Variants in ICE2 observed in about 807,000 individuals in gnomAD.
The protein encoded by ICE2 is interactor of little elongation complex ELL subunit 2, also known as little elongation complex subunit 2.
ICE2 carries 87 observed loss-of-function variants against 105.4 expected under a neutral mutation model. The observed-to-expected ratio is 0.83, with a 90% confidence interval of 0.69 to 0.99. The LOEUF is 0.99. Ranked by LOEUF, ICE2 falls within the 50% of genes least tolerant of loss-of-function variation. ICE2 has a pLI of 0.00. For synonymous variants in ICE2, 399 were observed against 392.0 expected, an observed-to-expected ratio of 1.02 and a Z score of -0.21; for missense variants, 1,323 against 1,146.7, an observed-to-expected ratio of 1.15 and a Z score of -2.22.
chr15:60,446,122 C>T (rs1444600741), intron 11 of ICE2, among the ~76,000 whole-genome samples: 1 of 152,178 alleles, frequency 6.6e-6, no homozygotes, highest in Non-Finnish European at 1.5e-5. Context: ...TAAAACCAAA[C>T]AGTTTTCAAT....
intron 5 of ICE2, 89 bp downstream of exon 5, chr15:60,466,505 G>A (rs768672729): frequency 1.4e-6 from 2 of 1,464,234 alleles, no homozygotes; most frequent in Non-Finnish European, 1.9e-6. Context: ...TGACAGTTCC[G>A]AATGCTTTTG....
chr15:60,470,995 C>T (rs2064578273), intron 3 of ICE2, among the ~76,000 whole-genome samples: 1 of 152,022 alleles, frequency 6.6e-6, no homozygotes, highest in Admixed American at 6.6e-5. Flanking sequence ...ACATTCCATC[C>T]AAAACTACTA....
chr15:60,477,832 TTC>T (rs2064808825), intron 2 of ICE2, 103 bp downstream of exon 2: 8 of 1,026,716 alleles, frequency 7.8e-6, no homozygotes, highest in Admixed American at 1.7e-5. Flanking sequence ...AACTTGTATT[TTC>T]TGTTTCCTCC....
In ICE2 at chr15:60,448,942, T is replaced by C; in HGVS notation, c.2025A>G (p.Lys675=). ...ACAATTGCTCAGAAACAGAAGGCTGTTTAGAATTTTCTAAATTCATTAAGG... is the reference window on the plus strand; with the variant it reads ...ACAATTGCTCAGAAACAGAAGGCTGCTTAGAATTTTCTAAATTCATTAAGG... The part of the protein sequence containing the change: ...ELPLMNLENS[K]QPSVSEQLSG... The change falls in exon 10 of 16, where the codon AAA becomes AAG. Residue 675 remains lysine (K), a synonymous_variant. Transcript: ENST00000261520. 1 of 1,614,030 alleles carries C rather than the reference T, an allele frequency of 6.2e-7. No individual in the cohort carries two copies. Among genetic ancestry groups the C allele is most frequent in the African/African-American group, 1.3e-5 (1 of 75,052 alleles).
At chr15:60,433,174 G>A (rs959060840) in intron 13 of ICE2, among the ~76,000 whole-genome samples, 9 of 150,954 alleles carry the variant, frequency 6.0e-5, no homozygotes, top group Non-Finnish European at 8.8e-5. Context: ...TGCAAGCTCT[G>A]CCTCCCGGGT....
At chr15:60,451,155 C>G (rs1166093249) in intron 9 of ICE2, 1 of 759,314 alleles carries the variant, frequency 1.3e-6, no homozygotes, top group Admixed American at 6.3e-5. Context: ...GACAGAGACA[C>G]AATTATACTA....
Position 60,466,672 on chromosome 15 carries a change from T to C in ICE2, c.450A>G (p.Leu150=). 1 of 1,610,466 alleles carries C rather than the reference T, an allele frequency of 6.2e-7. No individual in the cohort carries two copies. The highest frequency in any genetic ancestry group is 1.3e-5 in the African/African-American group (1 of 75,020). ...TCTTTGCAGAATTCTGCAAAAACTT[T>C]AGGAACTCAGTAACTTCTTCGTTCA... is the stretch of plus-strand genomic sequence containing the variant. ...KHVNEEVTEF[L]KFLQNSAKKC... Residue 150 remains leucine (L), a synonymous_variant, in exon 5 of 16, where the codon CTA becomes CTG. Transcript: ENST00000261520.
chr15:60,423,492 A>G lies in ICE2; in HGVS notation c.*142T>C. On this transcript the variant is annotated 3_prime_UTR_variant, in exon 16 of 16. Transcript: ENST00000261520. ...CATTTTAGTTGAAATATTCCTTCAC[A>G]TAGCCAACACATTTTTTCAAGGCAC... is the stretch of plus-strand genomic sequence containing the variant. The G allele has an allele frequency of 4.6e-6, 3 of 645,498 alleles. No homozygotes were observed. The allele number at this position is 645,498 out of a possible 1,614,324, so 40.0% of individuals were successfully genotyped here.
chr15:60,428,081 AATGAAACCCAGTAT>A (rs753088505), intron 15 of ICE2, among the ~76,000 whole-genome samples: 32 of 152,198 alleles, frequency 2.1e-4, no homozygotes, highest in Admixed American at 1.0e-3. Context: ...TACTTAATGA[AATGAAACCCAGTAT>A]ATATAAATAA....
intron 5 of ICE2, among the ~76,000 whole-genome samples, chr15:60,459,576 C>T (rs980202890): frequency 2.0e-5 from 3 of 152,004 alleles, no homozygotes; most frequent in South Asian, 2.1e-4. Context: ...TGAGAAGAAA[C>T]GGTGGGCCAA....
intron 11 of ICE2, among the ~76,000 whole-genome samples, chr15:60,444,065 C>A (rs776850948): frequency 3.3e-5 from 5 of 152,136 alleles, no homozygotes; most frequent in Non-Finnish European, 7.3e-5. Flanking sequence ...CGTGCTACTG[C>A]ACTCCTGCCT....
At chr15:60,473,389 C>T (rs906263570) in intron 3 of ICE2, among the ~76,000 whole-genome samples, 1 of 152,012 alleles carries the variant, frequency 6.6e-6, no homozygotes, top group African/African-American at 2.4e-5. Flanking sequence ...CCTCCCTGGA[C>T]TCAGGTGATC....
At position 60,421,136 on chromosome 15, in the gene ICE2, TAC is replaced by T. The variant is rs892095455; in HGVS notation, c.*2496_*2497del. 9.9e-5 allele frequency: 15 copies of T among 152,192 alleles called. No homozygotes were observed. In the East Asian group the frequency reaches 1.7e-3, roughly 18 times the overall value. 9.4% of individuals were successfully genotyped at this position (152,192 alleles called of 1,614,324 possible). ...TGTTTTCAAAGAGGTGTGTATAAAT[TAC>T]ACCTTCACTGCTGAGGTATAAATGG... On this transcript the variant is annotated 3_prime_UTR_variant, in exon 16 of 16. Transcript: ENST00000261520.
intron 12 of ICE2, among the ~76,000 whole-genome samples, chr15:60,436,903 G>T (rs980016141): frequency 1.1e-4 from 17 of 151,880 alleles, no homozygotes; most frequent in African/African-American, 4.1e-4. Context: ...ATGTACAGGG[G>T]CTAAGACACA....
chr15:60,471,800 A>G (rs1420881426), intron 3 of ICE2, among the ~76,000 whole-genome samples: 1 of 152,020 alleles, frequency 6.6e-6, no homozygotes, highest in Non-Finnish European at 1.5e-5. Flanking sequence ...AAAAAACAAA[A>G]AACAAACAGG....
At chr15:60,477,894 A>G in intron 2 of ICE2, 43 bp downstream of exon 2, 1 of 1,536,912 alleles carries the variant, frequency 6.5e-7, no homozygotes, top group African/African-American at 1.4e-5. Flanking sequence ...CATCAGCCCC[A>G]CTACACTCCT....
chr15:60,447,097 AT>A (rs1280626056), intron 11 of ICE2, among the ~76,000 whole-genome samples: 1 of 152,024 alleles, frequency 6.6e-6, no homozygotes, highest in Non-Finnish European at 1.5e-5. Flanking sequence ...GCAGCAATAC[AT>A]TTTTTTTCCT....
At chr15:60,473,537 G>C (rs994428660) in intron 3 of ICE2, among the ~76,000 whole-genome samples, 1 of 151,346 alleles carries the variant, frequency 6.6e-6, no homozygotes, top group African/African-American at 2.4e-5. Context: ...AAGTGATCCA[G>C]CTGCTCTGGC....
intron 15 of ICE2, among the ~76,000 whole-genome samples, chr15:60,428,152 G>C (rs2063378020): frequency 6.6e-6 from 1 of 151,466 alleles, no homozygotes; most frequent in Non-Finnish European, 1.5e-5. Flanking sequence ...GAATATAAGG[G>C]TTTAACTACA....
Sources: allele counts gnomAD v4.1 joint callset (sites outside exome capture counted in the v4.1 genomes callset), GRCh38; gene constraint gnomAD v4.1.1; transcripts MANE v1.5; gene names NCBI Gene and HGNC (gene_info 2026-07-23, HGNC 2026-07-21).